MGAM2: variants seen among roughly 807,000 people sequenced by gnomAD.
The protein encoded by MGAM2 is probable maltase-glucoamylase 2.
A neutral mutation model predicts 96.1 loss-of-function variants in MGAM2; 98 were observed. The ratio of observed to expected loss-of-function variants is 1.02; its 90% CI spans 0.87 to 1.21. The LOEUF (loss-of-function observed/expected upper bound fraction) is 1.21. MGAM2 is among the 50% of genes most tolerant of loss of function. The pLI, the probability that MGAM2 is intolerant of heterozygous loss-of-function variation, is 0.00. For synonymous variants in MGAM2, 749 were observed against 414.8 expected, an observed-to-expected ratio of 1.81 and a Z score of -9.79; for missense variants, 2,055 against 1,182.4, an observed-to-expected ratio of 1.74 and a Z score of -10.82.
At chr7:142,170,292 TAATTC>T in intron 27 of MGAM2, 63 bp downstream of exon 27, 1 of 616,890 alleles carries the variant, frequency 1.6e-6, no homozygotes, top group Non-Finnish European at 2.9e-6. Flanking sequence ...CAGTTACAAT[TAATTC>T]AAGTGAAATA....
rs535743831 is a variant in MGAM2 at position 142,194,944 on chromosome 7, T to C, written c.4347-1210T>C. On this transcript the variant is annotated intron_variant, in intron 37 of 47. Coordinates refer to ENST00000477922, the MANE Select transcript of MGAM2 (RefSeq NM_001293626.2). ...CTTTCTCTTTTGTTCAGTTGATTTT[T>C]CCCTCACACAGTTGTTGTTATTTTC... Among the ~76,000 whole-genome samples, 18 of 152,324 alleles carry C rather than the reference T, an allele frequency of 1.2e-4. No homozygotes were observed. The South Asian group carries it at 3.7e-3, about 32-fold the overall frequency.
chr7:142,134,489 C>T (rs897634469), intron 7 of MGAM2, among the ~76,000 whole-genome samples: 1 of 152,120 alleles, frequency 6.6e-6, no homozygotes, highest in Non-Finnish European at 1.5e-5. Context: ...AGGAAGGCTT[C>T]AGTAGGAGCC....
intron 12 of MGAM2, 121 bp from the exon 13 acceptor site, chr7:142,143,648 A>C (rs1159684973): frequency 1.8e-5 from 8 of 450,810 alleles, no homozygotes; most frequent in Non-Finnish European, 3.2e-5. Flanking sequence ...TTGTTGGGGT[A>C]GTCACACATT....
intron 37 of MGAM2, among the ~76,000 whole-genome samples, chr7:142,194,096 G>A (rs993853700): frequency 4.0e-5 from 6 of 150,618 alleles, no homozygotes; most frequent in African/African-American, 1.5e-4. Flanking sequence ...GCAGTGGCAC[G>A]ATTTCGACTC....
At chr7:142,123,963 C>CTTTTTCTT (rs1794659987) in intron 3 of MGAM2, among the ~76,000 whole-genome samples, 1 of 98,116 alleles carries the variant, frequency 1.0e-5, no homozygotes, top group African/African-American at 5.4e-5. Context: ...AGTCCAGAAA[C>CTTTTTCTT]TTTTTTTTTT....
intron 3 of MGAM2, among the ~76,000 whole-genome samples, chr7:142,128,806 C>G (rs946529495): frequency 1.1e-4 from 17 of 152,276 alleles, no homozygotes; most frequent in Admixed American, 3.9e-4. Context: ...TAGGTGGAGT[C>G]CTTATGGAGA....
rs560088989 is a variant in MGAM2, at chr7:142,196,807, C to A, written c.4623C>A (p.Ile1541=). The A allele has an allele frequency of 1.3e-6, 1 of 779,882 alleles. No individual in the cohort carries two copies. Among genetic ancestry groups the A allele is most frequent in the South Asian group, 1.3e-5 (1 of 74,398 alleles). 48.3% of individuals were successfully genotyped at this position (779,882 alleles called of 1,614,324 possible). The change falls in exon 40 of 48, where the codon ATC becomes ATA. Residue 1541 remains isoleucine, a synonymous_variant. Coordinates refer to ENST00000477922, the MANE Select transcript of MGAM2 (RefSeq NM_001293626.2). The stretch of plus-strand genomic sequence containing the variant: ...CATTTTCCAGAAACCACAACAACAT[C>A]GGGACAAGGGTGAGGCAGTAGTTCG... ...FYPFSRNHNN[I]GTRRQDPVAW... is the part of the protein sequence containing the mutation.
At chr7:142,180,639 AT>A (rs548794015) in intron 32 of MGAM2, among the ~76,000 whole-genome samples, 3 of 152,180 alleles carry the variant, frequency 2.0e-5, no homozygotes, top group Non-Finnish European at 4.4e-5. Flanking sequence ...TTTCCAAATA[AT>A]TTTTTGTTTC....
intron 3 of MGAM2, among the ~76,000 whole-genome samples, chr7:142,128,695 C>T (rs551255970): frequency 1.3e-5 from 2 of 152,282 alleles, no homozygotes; most frequent in Non-Finnish European, 2.9e-5. Context: ...GTTGTTGAGC[C>T]TGTGGGTGCA....
In MGAM2 at chr7:142,143,768, G is replaced by C; in HGVS notation, c.1318-1G>C. Reference sequence around the variant, plus strand: ...TGCCACTGCCTTCCTCTGTGTCCTAGGGATATCCGGGACCGACAGTCTTTC... The same window carrying C: ...TGCCACTGCCTTCCTCTGTGTCCTACGGATATCCGGGACCGACAGTCTTTC... On this transcript the variant is annotated splice_acceptor_variant, in intron 12 of 47. Transcript: ENST00000477922. LOFTEE classifies it high-confidence loss of function. The C allele has an allele frequency of 1.5e-6, 1 of 668,812 alleles. No homozygotes were observed. Among genetic ancestry groups the C allele is most frequent in the South Asian group, 1.6e-5 (1 of 61,302 alleles). 41.4% of individuals were successfully genotyped at this position (668,812 alleles called of 1,614,324 possible).
chr7:142,177,893 G>C lies in MGAM2; in HGVS notation c.3816+2113G>C, dbSNP rs527678149. ...CCTTAGGGTATATACCCAGTAATGGGGTTGCTGGGTGGTATGGTAGATCAA... is the reference window on the plus strand; with the variant it reads ...CCTTAGGGTATATACCCAGTAATGGCGTTGCTGGGTGGTATGGTAGATCAA... On this transcript the variant is annotated intron_variant, in intron 32 of 47. Coordinates refer to ENST00000477922, the MANE Select transcript of MGAM2 (RefSeq NM_001293626.2). Among the ~76,000 whole-genome samples the C allele has an allele frequency of 2.1e-3, 316 of 152,248 alleles. 5 individuals carry two copies. Among genetic ancestry groups the C allele is most frequent in the Middle Eastern group, 0.017 (5 of 294 alleles).
intron 31 of MGAM2, among the ~76,000 whole-genome samples, chr7:142,175,014 T>C (rs995519429): frequency 6.6e-6 from 1 of 152,146 alleles, no homozygotes; most frequent in Non-Finnish European, 1.5e-5. Context: ...CCACCGTGCC[T>C]AGCCCGTTTA....
At chr7:142,155,152 T>C (rs1795700546) in intron 17 of MGAM2, among the ~76,000 whole-genome samples, 2 of 152,228 alleles carry the variant, frequency 1.3e-5, no homozygotes, top group Admixed American at 1.3e-4. Context: ...TTGGAATTTG[T>C]TGGTATTTTA....
Position 142,186,117 on chromosome 7 carries a change from G to A in MGAM2, c.4116G>A (p.Leu1372=), listed in dbSNP as rs1207676177. The A allele has an allele frequency of 7.1e-6, 5 of 704,678 alleles. No individual in the cohort carries two copies. The highest frequency in any genetic ancestry group is 1.0e-5 in the Non-Finnish European group (4 of 384,756). 43.7% of individuals were successfully genotyped at this position (704,678 alleles called of 1,614,324 possible). The change falls in exon 35 of 48, where the codon TTG becomes TTA. Residue 1372 remains leucine (L), a synonymous_variant. Transcript: ENST00000477922. The stretch of plus-strand genomic sequence containing the variant: ...AGAAGAGCTTGAAGTTTGATGGATT[G>A]TGGATTGTAAGTGCACCCTTGGTTG... The part of the protein sequence containing the change: ...EPEKSLKFDG[L]WIDMNEPSNF...
chr7:142,121,152 A>C (rs1794557351), intron 3 of MGAM2, among the ~76,000 whole-genome samples: 1 of 152,036 alleles, frequency 6.6e-6, no homozygotes, highest in Non-Finnish European at 1.5e-5. Context: ...TCTCCATTTC[A>C]GTTCTTTTCA....
Position 142,138,664 on chromosome 7 carries a change from A to G in MGAM2, c.1083A>G (p.Pro361=), listed in dbSNP as rs1437481460. The G allele has an allele frequency of 5.7e-6, 4 of 701,310 alleles. No individual in the cohort carries two copies. The highest frequency in any genetic ancestry group is 7.8e-6 in the Non-Finnish European group (3 of 384,508). The allele number at this position is 701,310 out of a possible 1,614,324, so 43.4% of individuals were successfully genotyped here. A position where few individuals can be genotyped will look rare whatever the true frequency, so the allele number is the denominator to read the frequency against. The part of the protein sequence containing the change: ...VVSRNRLAEI[P]YDVQYSDIDY... The stretch of plus-strand genomic sequence containing the variant: ...GCCGAAATCGTTTAGCTGAGATACC[A>G]TATGTAAGTCGAAACTTCTTTTACC... Residue 361 remains proline (P), a synonymous_variant, in exon 10 of 48, where the codon CCA becomes CCG. Transcript: ENST00000477922.
rs1446219097 is a variant in MGAM2, at chr7:142,157,918, T to G, written c.1924-19T>G. On this transcript the variant is annotated intron_variant, in intron 17 of 47. Transcript: ENST00000477922. ...ATGATGGAAAGAAATATTCAGCCAT[T>G]CCTTCCATTTTCTCCTAGGACCAGG... The G allele has an allele frequency of 2.8e-6, 2 of 702,212 alleles. No homozygotes were observed. The highest frequency in any genetic ancestry group is 4.6e-4 in the Middle Eastern group (2 of 4,352). The allele number at this position is 702,212 out of a possible 1,614,324, so 43.5% of individuals were successfully genotyped here. A position where few individuals can be genotyped will look rare whatever the true frequency, so the allele number is the denominator to read the frequency against.
At chr7:142,165,598 A>G (rs1563270372) in intron 24 of MGAM2, among the ~76,000 whole-genome samples, 2 of 152,186 alleles carry the variant, frequency 1.3e-5, no homozygotes, top group East Asian at 3.9e-4. Flanking sequence ...TTCTAGAGTT[A>G]GGCAGAATGG....
At chr7:142,186,769 T>G (rs1373243831) in intron 35 of MGAM2, among the ~76,000 whole-genome samples, 1 of 152,186 alleles carries the variant, frequency 6.6e-6, no homozygotes, top group East Asian at 1.9e-4. Flanking sequence ...CTGGAAGAAG[T>G]CTGTGATTCA....
Sources: allele counts gnomAD v4.1 joint callset (sites outside exome capture counted in the v4.1 genomes callset), GRCh38; gene constraint gnomAD v4.1.1; transcripts MANE v1.5; gene names NCBI Gene and HGNC (gene_info 2026-07-23, HGNC 2026-07-21).